The following MARCHF1 variants were observed in gnomAD, a reference collection of about 807,000 sequenced individuals.
The protein encoded by MARCHF1 is membrane associated ring-CH-type finger 1.
A neutral mutation model predicts 54.2 loss-of-function variants in MARCHF1; 40 were observed. That is an observed-to-expected ratio of 0.74 (90% CI 0.57 to 0.96). MARCHF1 has a LOEUF of 0.96. MARCHF1 is among the 40% of genes least tolerant of loss of function. The pLI is 0.00. For missense variants in MARCHF1, 586 were observed against 656.5 expected (o/e 0.89, Z 1.17); for synonymous variants, 236 against 236.3 (o/e 1.00, Z 0.01).
At chr4:163,932,871 C>T in intron 3 of MARCHF1, 1 of 630,766 alleles carries the variant, frequency 1.6e-6, no homozygotes, top group African/African-American at 1.8e-5. Flanking sequence ...GGTCTTCTAT[C>T]TGAAAATGAA....
At chr4:164,176,288 G>A (rs1481772210) in intron 1 of MARCHF1, among the ~76,000 whole-genome samples, 1 of 152,156 alleles carries the variant, frequency 6.6e-6, no homozygotes, top group African/African-American at 2.4e-5. Flanking sequence ...CACTGATGTA[G>A]TGTTAATTAC....
chr4:164,050,029 C>T (rs968726348), intron 2 of MARCHF1, among the ~76,000 whole-genome samples: 5 of 152,070 alleles, frequency 3.3e-5, no homozygotes, highest in Middle Eastern at 3.2e-3. Flanking sequence ...AATCCCAGCA[C>T]TTTGGGAGGC....
intron 2 of MARCHF1, among the ~76,000 whole-genome samples, chr4:164,085,366 C>T (rs759295492): frequency 2.6e-5 from 4 of 151,754 alleles, no homozygotes; most frequent in African/African-American, 4.8e-5. Flanking sequence ...CTTAAATTTG[C>T]TTTTACCTAA....
intron 4 of MARCHF1, among the ~76,000 whole-genome samples, chr4:163,775,232 GC>G (rs1209174885): frequency 6.6e-6 from 1 of 152,120 alleles, no homozygotes; most frequent in Non-Finnish European, 1.5e-5. Flanking sequence ...ATATTAGCAT[GC>G]TTTGCTTGCT....
At chr4:164,382,325 AT>A (rs1731393210) in intron 1 of MARCHF1, among the ~76,000 whole-genome samples, 1 of 152,216 alleles carries the variant, frequency 6.6e-6, no homozygotes, top group African/African-American at 2.4e-5. Flanking sequence ...AAGAAAAAAA[AT>A]CATCTGAAGA....
chr4:163,579,658 T>C (rs1007628900), intron 8 of MARCHF1, among the ~76,000 whole-genome samples: 2 of 135,472 alleles, frequency 1.5e-5, no homozygotes, highest in East Asian at 4.4e-4. Flanking sequence ...TCCCTTAGGC[T>C]TCACATAATA....
chr4:164,196,935 C>A, intron 1 of MARCHF1: 3 of 1,584,646 alleles, frequency 1.9e-6, no homozygotes, highest in Non-Finnish European at 2.6e-6. Context: ...TAAAAACAGT[C>A]AAATCACAAT....
intron 5 of MARCHF1, among the ~76,000 whole-genome samples, chr4:163,657,454 G>C (rs975702288): frequency 1.3e-5 from 2 of 151,970 alleles, no homozygotes; most frequent in Admixed American, 6.6e-5. Context: ...TGGATAGGAA[G>C]AATCAATATC....
chr4:163,767,394 C>T (rs1747013531), intron 4 of MARCHF1, among the ~76,000 whole-genome samples: 1 of 151,002 alleles, frequency 6.6e-6, no homozygotes, highest in East Asian at 2.0e-4. Flanking sequence ...AGTGCAGTGG[C>T]GCGATCTCGG....
intron 2 of MARCHF1, among the ~76,000 whole-genome samples, chr4:164,090,153 T>C (rs990986820): frequency 4.6e-5 from 7 of 151,942 alleles, no homozygotes; most frequent in Non-Finnish European, 1.0e-4. Context: ...CACTAACCAA[T>C]ACGTGTAAAT....
At chr4:164,229,593 GA>G (rs1290788174) in intron 1 of MARCHF1, among the ~76,000 whole-genome samples, 4 of 152,262 alleles carry the variant, frequency 2.6e-5, no homozygotes. Flanking sequence ...TAGCTATAAA[GA>G]AACATCTGAG....
chr4:163,703,291 C>A (rs1468954723), intron 4 of MARCHF1, among the ~76,000 whole-genome samples: 1 of 151,834 alleles, frequency 6.6e-6, no homozygotes, highest in Non-Finnish European at 1.5e-5. Flanking sequence ...GATTCTGGCA[C>A]ATAAAATTTA....
intron 1 of MARCHF1, among the ~76,000 whole-genome samples, chr4:164,318,950 A>G (rs966717844): frequency 1.3e-5 from 2 of 152,208 alleles, no homozygotes; most frequent in Non-Finnish European, 2.9e-5. Context: ...CTGTGACTTG[A>G]TAATACTCAA....
chr4:164,227,298 G>A (rs1732286125), intron 1 of MARCHF1, among the ~76,000 whole-genome samples: 1 of 152,030 alleles, frequency 6.6e-6, no homozygotes, highest in South Asian at 2.1e-4. Context: ...ATCTCATGAA[G>A]CCCACTCATT....
intron 5 of MARCHF1, among the ~76,000 whole-genome samples, chr4:163,678,293 A>G (rs1377882743): frequency 6.6e-6 from 1 of 152,204 alleles, no homozygotes; most frequent in East Asian, 1.9e-4. Context: ...TATGCCCAGG[A>G]AAGTGGATGG....
intron 4 of MARCHF1, among the ~76,000 whole-genome samples, chr4:163,770,102 G>A (rs1425193743): frequency 1.4e-5 from 2 of 141,964 alleles, no homozygotes; most frequent in African/African-American, 5.2e-5. Flanking sequence ...TAAGAATATG[G>A]TATAAAATAA....
intron 2 of MARCHF1, among the ~76,000 whole-genome samples, chr4:164,071,080 T>G (rs1320846445): frequency 6.6e-6 from 1 of 152,200 alleles, no homozygotes; most frequent in Non-Finnish European, 1.5e-5. Context: ...AGTTAAACCT[T>G]TTTTTGTTCC....
At position 163,763,080 on chromosome 4, in the gene MARCHF1, G is replaced by A. The variant is rs186871556; in HGVS notation, c.112-62217C>T. Reference sequence around the variant, plus strand: ...GTGTAGTAAAAGAGAAACCTTAAATGAGACTTTATAGTTCCTATTTCACTA... The same window carrying A: ...GTGTAGTAAAAGAGAAACCTTAAATAAGACTTTATAGTTCCTATTTCACTA... On this transcript the variant is annotated intron_variant, in intron 4 of 9. Transcript: ENST00000514618. 5.1e-4 allele frequency among the ~76,000 whole-genome samples: 77 copies of A among 152,162 alleles called. 1 individual carries two copies. Among genetic ancestry groups the A allele is most frequent in the East Asian group, 7.7e-4 (4 of 5,182 alleles).
In MARCHF1 at chr4:163,978,078, G is replaced by A. The variant is rs562140936; in HGVS notation, c.-39+10423C>T. Among the ~76,000 whole-genome samples, 28 of 152,230 alleles carry A rather than the reference G, an allele frequency of 1.8e-4. 1 individual carries two copies. The highest frequency in any genetic ancestry group is 5.8e-4 in the African/African-American group (24 of 41,536). ...ATAAATTCTTGATTCCAGAAAATTC[G>A]TTGCTCAGCAATTCTGAGATTGACA... On this transcript the variant is annotated intron_variant, in intron 3 of 9. Coordinates refer to ENST00000514618, the MANE Select transcript of MARCHF1 (RefSeq NM_001394959.1).
Sources: gnomAD v4.1 joint callset for allele counts (sites outside exome capture counted in the v4.1 genomes callset) on GRCh38, gnomAD v4.1.1 for gene constraint, MANE v1.5 for transcripts, NCBI Gene and HGNC (gene_info 2026-07-23, HGNC 2026-07-21) for gene names.